The following DIAPH2 variants were observed in gnomAD, a reference collection of about 807,000 sequenced individuals.
DIAPH2 encodes the protein protein diaphanous homolog 2.
DIAPH2 carries 35 observed loss-of-function variants against 92.7 expected under a neutral mutation model. That is an observed-to-expected ratio of 0.38 (90% CI 0.29 to 0.50). The LOEUF is 0.50. DIAPH2 is among the 20% of genes least tolerant of loss of function. The pLI is 0.94. For missense variants in DIAPH2, 701 were observed against 819.5 expected (o/e 0.86, Z 1.77); for synonymous variants, 301 against 280.4 (o/e 1.07, Z -0.73).
intron 4 of DIAPH2, among the ~76,000 whole-genome samples, chrX:96,852,254 CTG>C (rs1403216552): frequency 1.8e-5 from 2 of 112,079 alleles, no homozygotes; most frequent in African/African-American, 6.5e-5. Context: ...GTTTCAAAGA[CTG>C]TTAGGAAATG....
At chrX:97,561,869 G>A (rs1202788142) in intron 26 of DIAPH2, among the ~76,000 whole-genome samples, 1 of 112,499 alleles carries the variant, frequency 8.9e-6, no homozygotes, top group Non-Finnish European at 1.9e-5. Flanking sequence ...TATTGCCTCT[G>A]TGCTGATTGT....
chrX:97,547,316 A>G (rs1449017859), intron 26 of DIAPH2, among the ~76,000 whole-genome samples: 1 of 112,070 alleles, frequency 8.9e-6, no homozygotes, highest in Non-Finnish European at 1.9e-5. Context: ...TGCTTTGGGT[A>G]CAGGAAGTTT....
chrX:97,203,841 T>C (rs757460314), intron 22 of DIAPH2, among the ~76,000 whole-genome samples: 1 of 111,631 alleles, frequency 9.0e-6, no homozygotes. Context: ...ACGATCCTGA[T>C]ACCAAAATGT....
At chrX:96,936,214 GA>G (rs2065656428) in intron 10 of DIAPH2, among the ~76,000 whole-genome samples, 2 of 110,853 alleles carry the variant, frequency 1.8e-5, no homozygotes, top group African/African-American at 3.3e-5. Flanking sequence ...GTGAGTGTTA[GA>G]AAAAAAAGCA....
At chrX:97,252,105 T>G (rs2068193518) in intron 23 of DIAPH2, among the ~76,000 whole-genome samples, 1 of 112,304 alleles carries the variant, frequency 8.9e-6, no homozygotes, top group South Asian at 3.7e-4. Flanking sequence ...TCTTAACATC[T>G]TAAACTATCT....
intron 22 of DIAPH2, among the ~76,000 whole-genome samples, chrX:97,167,125 C>G (rs1298672794): frequency 9.0e-6 from 1 of 111,547 alleles, no homozygotes; most frequent in East Asian, 2.8e-4. Context: ...GTGGTCGCCC[C>G]CTCCACCAAG....
intron 17 of DIAPH2, among the ~76,000 whole-genome samples, chrX:97,005,783 C>T (rs1420398702): frequency 9.0e-6 from 1 of 111,514 alleles, no homozygotes; most frequent in African/African-American, 3.3e-5. Flanking sequence ...TTGTGATCCA[C>T]CTACCTCAGC....
At chrX:97,333,845 G>A (rs199592321) in intron 23 of DIAPH2, among the ~76,000 whole-genome samples, 148 of 110,279 alleles carry the variant, frequency 1.3e-3, no homozygotes, top group East Asian at 7.0e-3. Context: ...GATTACATGC[G>A]TGAGCCACCG....
intron 4 of DIAPH2, among the ~76,000 whole-genome samples, chrX:96,864,861 A>G (rs755924190): frequency 8.9e-6 from 1 of 111,969 alleles, no homozygotes; most frequent in Admixed American, 9.5e-5. Context: ...ATTGTGTATC[A>G]TGGCCAAATT....
At chrX:97,552,730 A>G (rs1038660025) in intron 26 of DIAPH2, among the ~76,000 whole-genome samples, 4 of 112,156 alleles carry the variant, frequency 3.6e-5, no homozygotes, top group African/African-American at 1.3e-4. Flanking sequence ...CTTTTAAGTC[A>G]TAGAACTTTG....
intron 24 of DIAPH2, among the ~76,000 whole-genome samples, chrX:97,368,899 CTTTTTTT>C (rs386417287): frequency 2.9e-4 from 15 of 52,071 alleles, no homozygotes; most frequent in African/African-American, 6.8e-4. Flanking sequence ...TCTACCCTTT[CTTTTTTT>C]TTTTTTTTTT....
intron 4 of DIAPH2, among the ~76,000 whole-genome samples, chrX:96,859,863 G>A (rs765531113): frequency 9.0e-6 from 1 of 110,765 alleles, no homozygotes; most frequent in Non-Finnish European, 1.9e-5. Context: ...GGATGGTCTC[G>A]ATCTCCTGAC....
chrX:96,692,442 C>T (rs1331387313), intron 1 of DIAPH2, among the ~76,000 whole-genome samples: 1 of 112,012 alleles, frequency 8.9e-6, no homozygotes, highest in Non-Finnish European at 1.9e-5. Context: ...ATACATGTCA[C>T]TGAACTCCTT....
chrX:96,919,126 A>G (rs2065524482), intron 9 of DIAPH2, among the ~76,000 whole-genome samples: 1 of 112,357 alleles, frequency 8.9e-6, no homozygotes, highest in African/African-American at 3.2e-5. Flanking sequence ...AGAAAATGAC[A>G]AAACTCACTA....
chrX:97,508,901 A>T (rs956925528), intron 26 of DIAPH2, among the ~76,000 whole-genome samples: 2 of 109,746 alleles, frequency 1.8e-5, no homozygotes, highest in African/African-American at 6.6e-5. Context: ...GGGGAAAGAA[A>T]TATCTTTTCT....
At chrX:97,171,894 C>T (rs1037198617) in intron 22 of DIAPH2, among the ~76,000 whole-genome samples, 7 of 108,388 alleles carry the variant, frequency 6.5e-5, no homozygotes, top group Non-Finnish European at 1.1e-4. Context: ...GAGCCGAGAT[C>T]GCGCCACTGC....
intron 26 of DIAPH2, among the ~76,000 whole-genome samples, chrX:97,494,372 G>T (rs1344294350): frequency 1.8e-5 from 2 of 110,843 alleles, no homozygotes; most frequent in African/African-American, 6.6e-5. Context: ...TTCTCATTTT[G>T]TTGCTGAATT....
intron 1 of DIAPH2, among the ~76,000 whole-genome samples, chrX:96,698,371 C>T (rs1451522436): frequency 8.9e-6 from 1 of 111,843 alleles, no homozygotes; most frequent in Non-Finnish European, 1.9e-5. Context: ...GAACCACCTA[C>T]CCTCTCCTGC....
intron 26 of DIAPH2, among the ~76,000 whole-genome samples, chrX:97,566,316 A>G (rs1429705766): frequency 8.9e-6 from 1 of 112,021 alleles, no homozygotes; most frequent in African/African-American, 3.2e-5. Flanking sequence ...ATCCAATTAT[A>G]TGACTTTAAA....
Sources: allele counts gnomAD v4.1 joint callset (sites outside exome capture counted in the v4.1 genomes callset), GRCh38; gene constraint gnomAD v4.1.1; transcripts MANE v1.5; gene names NCBI Gene and HGNC (gene_info 2026-07-23, HGNC 2026-07-21).